Variants in ACTL8 observed in about 807,000 individuals in gnomAD.
The protein encoded by ACTL8 is actin like 8.
In ACTL8, 3 loss-of-function variants were observed where a neutral mutation model predicts 9.3. The observed-to-expected ratio is 0.32, with a 90% CI of 0.15 to 0.83. The LOEUF is 0.83. Ranked by LOEUF, ACTL8 falls within the 40% of genes least tolerant of loss-of-function variation. The pLI is 0.57. For synonymous variants in ACTL8, 224 were observed against 205.9 expected (o/e 1.09, Z -0.75); for missense variants, 381 against 492.2 (o/e 0.77, Z 2.14).
At chr1:17,818,416 A>C (rs578194974) in intron 1 of ACTL8, among the ~76,000 whole-genome samples, 1 of 152,302 alleles carries the variant, frequency 6.6e-6, no homozygotes, top group Admixed American at 6.5e-5. Flanking sequence ...AAGTGAAGTC[A>C]GATCATGCCA....
chr1:17,795,797 C>T (rs1352508562), intron 1 of ACTL8, among the ~76,000 whole-genome samples: 3 of 152,132 alleles, frequency 2.0e-5, no homozygotes, highest in Admixed American at 6.5e-5. Context: ...ATCACCTTCC[C>T]CGAGTTCGAG....
rs117069891 is a variant in ACTL8 at position 17,762,853 on chromosome 1, G to A, written c.-25+7349G>A. On this transcript the variant is annotated intron_variant, in intron 1 of 2. Coordinates refer to ENST00000375406, the MANE Select transcript of ACTL8 (RefSeq NM_030812.3). ...GGCTCCCACCTCTGGCGCTTTCTGC[G>A]TGGCCTCCCGGGGACTCAGTTTTCC... is the stretch of plus-strand genomic sequence containing the variant. 5.7e-3 allele frequency among the ~76,000 whole-genome samples: 866 copies of A among 152,236 alleles called. 18 individuals carry two copies. In the East Asian group the frequency reaches 0.071, roughly 12 times the overall value.
intron 1 of ACTL8, among the ~76,000 whole-genome samples, chr1:17,783,366 A>ATT (rs1557433767): frequency 5.8e-5 from 4 of 69,328 alleles, no homozygotes; most frequent in Admixed American, 2.4e-4. Context: ...TTTTTTTTTA[A>ATT]AAAAACTCCA....
intron 1 of ACTL8, among the ~76,000 whole-genome samples, chr1:17,758,712 C>CA (rs1191731588): frequency 2.0e-5 from 3 of 152,164 alleles, no homozygotes; most frequent in Non-Finnish European, 4.4e-5. Context: ...GCTCATAAGT[C>CA]AAAGTGGGGC....
Position 17,796,603 on chromosome 1 carries a change from C to T in ACTL8, c.-24-26382C>T, listed in dbSNP as rs939626607. Among the ~76,000 whole-genome samples, 4 of 152,190 alleles carry T rather than the reference C, an allele frequency of 2.6e-5. No individual in the cohort carries two copies. In the South Asian group the frequency reaches 6.2e-4, roughly 24 times the overall value. ...TAAACACTCAGCTTTGCCCTCCACC[C>T]CCTCTGGGGTAAATGGGCATAATCC... On this transcript the variant is annotated intron_variant, in intron 1 of 2. Coordinates refer to ENST00000375406, the MANE Select transcript of ACTL8 (RefSeq NM_030812.3).
intron 1 of ACTL8, among the ~76,000 whole-genome samples, chr1:17,801,512 A>G (rs1557441025): frequency 6.6e-6 from 1 of 152,238 alleles, no homozygotes; most frequent in African/African-American, 2.4e-5. Context: ...TAATAGTCAT[A>G]CATAACTCAT....
Position 17,826,222 on chromosome 1 carries a change from G to A in ACTL8, c.804G>A (p.Pro268=), listed in dbSNP as rs754579549. The A allele has an allele frequency of 3.0e-5, 49 of 1,613,356 alleles. No individual in the cohort carries two copies. The highest frequency in any genetic ancestry group is 6.7e-5 in the East Asian group (3 of 44,860). ...MFFSPQVFEQ[P]GPSIPRAIVE... ...TTAGCCCGCAGGTGTTCGAGCAGCC[G>A]GGGCCCAGCATCCCACGGGCCATTG... is the stretch of plus-strand genomic sequence containing the variant. The change falls in exon 3 of 3, where the codon CCG becomes CCA. Residue 268 remains proline (P), a synonymous_variant. Transcript: ENST00000375406. This position sits in a 1 kb window ranked among gnomAD's most constrained non-coding sequence, Gnocchi z 4.5.
chr1:17,760,680 G>T (rs1225495849), intron 1 of ACTL8, among the ~76,000 whole-genome samples: 5 of 151,946 alleles, frequency 3.3e-5, no homozygotes, highest in African/African-American at 1.2e-4. Flanking sequence ...CCGTTGCTGT[G>T]CAGTGCTGGG....
At chr1:17,809,963 A>T (rs2066383446) in intron 1 of ACTL8, among the ~76,000 whole-genome samples, 1 of 152,214 alleles carries the variant, frequency 6.6e-6, no homozygotes, top group Admixed American at 6.5e-5. Context: ...GATCGCTGAT[A>T]CAGTGTCTAG....
At chr1:17,771,200 A>G (rs1006732969) in intron 1 of ACTL8, among the ~76,000 whole-genome samples, 7 of 152,356 alleles carry the variant, frequency 4.6e-5, no homozygotes, top group African/African-American at 1.7e-4. Flanking sequence ...TAATATGTAA[A>G]TGATGGGCGT....
intron 1 of ACTL8, among the ~76,000 whole-genome samples, chr1:17,757,256 TTAA>T (rs2065974808): frequency 7.6e-6 from 1 of 131,572 alleles, no homozygotes. Flanking sequence ...ATGGCAGCCC[TTAA>T]GGAAGTTCTT....
At chr1:17,800,313 G>T (rs747819290) in intron 1 of ACTL8, among the ~76,000 whole-genome samples, 1 of 152,148 alleles carries the variant, frequency 6.6e-6, no homozygotes, top group African/African-American at 2.4e-5. Context: ...TATGAGTGGG[G>T]TGTCATTTTC....
intron 1 of ACTL8, among the ~76,000 whole-genome samples, chr1:17,821,522 T>C (rs1008577563): frequency 1.3e-5 from 2 of 152,250 alleles, no homozygotes; most frequent in African/African-American, 4.8e-5. Context: ...AGACTGTCCT[T>C]TCTCCATTTA....
chr1:17,761,134 ATTTTTTTTTT>A (rs935834059), intron 1 of ACTL8, among the ~76,000 whole-genome samples: 7 of 131,392 alleles, frequency 5.3e-5, no homozygotes, highest in African/African-American at 1.7e-4. Flanking sequence ...TTGCGGCTTA[ATTTTTTTTTT>A]TTTTTTTTTT....
intron 1 of ACTL8, among the ~76,000 whole-genome samples, chr1:17,771,330 C>T (rs906535548): frequency 8.6e-5 from 13 of 151,936 alleles, no homozygotes. Context: ...ATACAAAAAC[C>T]ATTCTTGGCT....
chr1:17,803,121 C>T lies in ACTL8; in HGVS notation c.-24-19864C>T, dbSNP rs144435411. 9.0e-3 allele frequency among the ~76,000 whole-genome samples: 1,375 copies of T among 152,204 alleles called. 17 individuals carry two copies. The highest frequency in any genetic ancestry group is 0.032 in the African/African-American group (1,318 of 41,510). On this transcript the variant is annotated intron_variant, in intron 1 of 2. Transcript: ENST00000375406. ...GACTTGGTGGGAGGTAATTGAGTCA[C>T]GGAGGCGGTTACCCCCATGCTATTC... is the stretch of plus-strand genomic sequence containing the variant.
intron 1 of ACTL8, among the ~76,000 whole-genome samples, chr1:17,802,424 C>CGTGTGTGT (rs72387933): frequency 0.1 from 15,142 of 146,582 alleles, 802 homozygotes; most frequent in Admixed American, 0.15. Flanking sequence ...ACTGTGCGTG[C>CGTGTGTGT]GTGTGTGTGT....
At chr1:17,809,395 C>T (rs1354535349) in intron 1 of ACTL8, among the ~76,000 whole-genome samples, 1 of 152,050 alleles carries the variant, frequency 6.6e-6, no homozygotes, top group Non-Finnish European at 1.5e-5. Flanking sequence ...CCGGGGGTTC[C>T]ACACAGAGGG....
At chr1:17,773,817 C>T (rs1028706648) in intron 1 of ACTL8, among the ~76,000 whole-genome samples, 4 of 152,230 alleles carry the variant, frequency 2.6e-5, no homozygotes, top group Admixed American at 2.0e-4. Context: ...TGGCCCATGC[C>T]GAACAGATGC....
Sources: gnomAD v4.1 joint callset for allele counts (sites outside exome capture counted in the v4.1 genomes callset) on GRCh38, gnomAD v4.1.1 for gene constraint, Gnocchi (gnomAD v3.1) non-coding constraint, MANE v1.5 for transcripts, NCBI Gene and HGNC (gene_info 2026-07-23, HGNC 2026-07-21) for gene names.